CELF2: variants seen among roughly 807,000 people sequenced by gnomAD.
CELF2 encodes the protein CUG triplet repeat RNA-binding protein 2.
A neutral mutation model predicts 62.6 loss-of-function variants in CELF2; 8 were observed. That is an observed-to-expected ratio of 0.13 (90% CI 0.07 to 0.23). The LOEUF (loss-of-function observed/expected upper bound fraction) is 0.23, where lower values mean the gene tolerates loss of function less well. Ranked by LOEUF, CELF2 falls within the 10% of genes least tolerant of loss-of-function variation. CELF2 has a pLI of 1.00. For synonymous variants in CELF2, 258 were observed against 250.0 expected, an observed-to-expected ratio of 1.03 and a Z score of -0.30; for missense variants, 333 against 671.0, an observed-to-expected ratio of 0.50 and a Z score of 5.56.
rs767229773 is a variant in CELF2 at position 11,309,656 on chromosome 10, G to T, written c.977-4483G>T. 1.3e-5 allele frequency among the ~76,000 whole-genome samples: 2 copies of T among 152,110 alleles called. No homozygotes were observed. The highest frequency in any genetic ancestry group is 1.3e-4 in the Admixed American group (2 of 15,260). On this transcript the variant is annotated intron_variant, in intron 9 of 12. Coordinates refer to ENST00000633077, the MANE Select transcript of CELF2 (RefSeq NM_001326342.2). This position sits in a 1 kb window ranked among gnomAD's most constrained non-coding sequence, Gnocchi z 5.6. ...GCTCTGACTGTGGCTGGGCCCTTTC[G>T]TAGGGGTGCTCTTTCGGCCAGTCCT...
At chr10:11,025,764 G>T (rs1312917803) in intron 1 of CELF2, among the ~76,000 whole-genome samples, 9 of 152,202 alleles carry the variant, frequency 5.9e-5, no homozygotes, top group Non-Finnish European at 1.0e-4. Context: ...AAGACTTTAT[G>T]TTCAGAAAAG....
chr10:10,644,614 G>T, the CELF2 span, among the ~76,000 whole-genome samples: 1 of 152,172 alleles, frequency 6.6e-6, no homozygotes, highest in African/African-American at 2.4e-5. Flanking sequence ...GTCTGAGGCA[G>T]GATCAGCCTG....
intron 2 of CELF2, chr10:10,960,234 C>T (rs925443393): frequency 1.3e-5 from 2 of 152,214 alleles, no homozygotes; most frequent in Admixed American, 1.3e-4. Context: ...TTGTGCTTCT[C>T]TCCTCATTGC....
At chr10:10,777,469 C>T in the CELF2 span, among the ~76,000 whole-genome samples, 1 of 152,194 alleles carries the variant, frequency 6.6e-6, no homozygotes. Flanking sequence ...ACCCCTCTAT[C>T]TCCTTCATCC....
At chr10:11,173,003 T>C (rs1450753117) in intron 2 of CELF2, among the ~76,000 whole-genome samples, 2 of 152,234 alleles carry the variant, frequency 1.3e-5, no homozygotes, top group African/African-American at 2.4e-5. Context: ...TGCAGGTAGA[T>C]TGAAAAAGTG....
chr10:11,242,934 C>A lies in CELF2; in HGVS notation c.355-6219C>A, dbSNP rs1326224757. Among the ~76,000 whole-genome samples, 1 of 152,126 alleles carries A rather than the reference C, an allele frequency of 6.6e-6. No individual in the cohort carries two copies. Among genetic ancestry groups the A allele is most frequent in the African/African-American group, 2.4e-5 (1 of 41,416 alleles). ...ACCAGGGCGACAGGGACGGAGGCGCCGGTGGCAACTGGTGCTGGGTCAGAA... is the reference window on the plus strand; with the variant it reads ...ACCAGGGCGACAGGGACGGAGGCGCAGGTGGCAACTGGTGCTGGGTCAGAA... On this transcript the variant is annotated intron_variant, in intron 3 of 12. Transcript: ENST00000633077. The surrounding 1 kb of genome is among the most constrained non-coding windows in gnomAD (Gnocchi z 4.8).
chr10:10,925,387 A>G (rs1009369290), intron 2 of CELF2, among the ~76,000 whole-genome samples: 2 of 151,802 alleles, frequency 1.3e-5, no homozygotes, highest in African/African-American at 4.8e-5. Context: ...CAACCAGGGT[A>G]CAGCATGCAC....
At chr10:11,209,240 G>A (rs998655295) in intron 2 of CELF2, among the ~76,000 whole-genome samples, 2 of 152,138 alleles carry the variant, frequency 1.3e-5, no homozygotes, top group Non-Finnish European at 2.9e-5. Context: ...GGCTTTAGAC[G>A]GAGCTTGTGA....
chr10:11,147,870 C>T (rs535076938), intron 1 of CELF2, among the ~76,000 whole-genome samples: 1 of 152,316 alleles, frequency 6.6e-6, no homozygotes, highest in Admixed American at 6.5e-5. Context: ...CCAAGCAGAG[C>T]CTCGCCTGGG....
the CELF2 span, among the ~76,000 whole-genome samples, chr10:10,491,026 C>T: frequency 5.9e-5 from 9 of 152,226 alleles, no homozygotes; most frequent in African/African-American, 2.2e-4. Flanking sequence ...TAAGAAAAAC[C>T]ACTACTATAT....
intron 1 of CELF2, among the ~76,000 whole-genome samples, chr10:11,088,131 G>A (rs1383515655): frequency 6.6e-6 from 1 of 152,200 alleles, no homozygotes; most frequent in Non-Finnish European, 1.5e-5. Context: ...GCCCACACAT[G>A]AGCAAAGGTG....
chr10:10,981,151 G>T lies in CELF2; in HGVS notation c.89+61152G>T, dbSNP rs892217043. On this transcript the variant is annotated intron_variant, in intron 2 of 13. Coordinates refer to the CELF2 transcript ENST00000636488. ...AATAAATATAACTGAATGAATGAAG[G>T]TTTCTCACTTATTTCATTCATTTCT... Among the ~76,000 whole-genome samples the T allele has an allele frequency of 2.6e-5, 4 of 152,138 alleles. No homozygotes were observed. The East Asian group carries it at 7.7e-4, about 29-fold the overall frequency.
At chr10:11,025,409 C>T (rs2059029678) in intron 1 of CELF2, among the ~76,000 whole-genome samples, 1 of 151,996 alleles carries the variant, frequency 6.6e-6, no homozygotes, top group Non-Finnish European at 1.5e-5. Context: ...GTGTGCTGTC[C>T]TCGTGGTAGC....
chr10:11,023,497 G>A (rs1269079240), intron 1 of CELF2, among the ~76,000 whole-genome samples: 1 of 152,172 alleles, frequency 6.6e-6, no homozygotes, highest in Non-Finnish European at 1.5e-5. Context: ...TATCATCACC[G>A]TGTAATTGTT....
chr10:10,513,788 C>T, the CELF2 span, among the ~76,000 whole-genome samples: 1 of 152,180 alleles, frequency 6.6e-6, no homozygotes, highest in South Asian at 2.1e-4. Context: ...GCATTAGACC[C>T]ATAGAAGGGA....
the CELF2 span, among the ~76,000 whole-genome samples, chr10:10,654,582 G>A: frequency 1.2e-5 from 1 of 84,526 alleles, no homozygotes; most frequent in African/African-American, 4.4e-5. Flanking sequence ...ATCAATAAAT[G>A]TAATCCAGCA....
Position 11,129,792 on chromosome 10 carries a change from C to T in CELF2, c.75-35694C>T, listed in dbSNP as rs545675604. Reference sequence around the variant, plus strand: ...TCTTCTTATTAGTCTTGCTAGAGGTCTACCAATTTTGTTGATCTTTTCAAA... The same window carrying T: ...TCTTCTTATTAGTCTTGCTAGAGGTTTACCAATTTTGTTGATCTTTTCAAA... On this transcript the variant is annotated intron_variant, in intron 1 of 12. Coordinates refer to ENST00000633077, the MANE Select transcript of CELF2 (RefSeq NM_001326342.2). 5.9e-5 allele frequency among the ~76,000 whole-genome samples: 9 copies of T among 152,276 alleles called. No homozygotes were observed. In the South Asian group the frequency reaches 1.7e-3, roughly 28 times the overall value.
rs1184044229 is a variant in CELF2 at position 11,202,929 on chromosome 10, CTCTCTCTCTCTCTCTCTCTCTCTGTG to C, written c.272-14494_272-14469del. Among the ~76,000 whole-genome samples the C allele has an allele frequency of 2.7e-3, 250 of 92,186 alleles. 3 individuals carry two copies. Among genetic ancestry groups the C allele is most frequent in the African/African-American group, 8.2e-3 (215 of 26,170 alleles). 60.5% of individuals were successfully genotyped at this position (92,186 alleles called of 152,430 possible). ...TCTCTCTCTCTCTCTCTCTCTCTCTCTCTCTCTCTCTCTCTCTCTCTCTGTGTGTGTGTGTGTGTGTGTAATCCAAA... is the reference window on the plus strand; with the variant it reads ...TCTCTCTCTCTCTCTCTCTCTCTCTCTGTGTGTGTGTGTGTGTAATCCAAA... On this transcript the variant is annotated intron_variant, in intron 2 of 12. Transcript: ENST00000633077.
chr10:10,571,401 AAAT>A, the CELF2 span, among the ~76,000 whole-genome samples: 1 of 152,224 alleles, frequency 6.6e-6, no homozygotes, highest in Non-Finnish European at 1.5e-5. Flanking sequence ...GACAGTAATA[AAAT>A]AATAAAGTGC....
Sources: allele counts gnomAD v4.1 joint callset (sites outside exome capture counted in the v4.1 genomes callset), GRCh38; gene constraint gnomAD v4.1.1; non-coding constraint Gnocchi (gnomAD v3.1); transcripts MANE v1.5; gene names NCBI Gene and HGNC (gene_info 2026-07-23, HGNC 2026-07-21).